The following COL24A1 variants were observed in gnomAD, a reference collection of about 807,000 sequenced individuals.
The protein encoded by COL24A1 is collagen type XXIV alpha 1 chain.
COL24A1 carries 224 observed loss-of-function variants against 253.9 expected under a neutral mutation model. That is an observed-to-expected ratio of 0.88 (90% confidence interval 0.79 to 0.99). The LOEUF is 0.99. Among genes scored for constraint, COL24A1 ranks in the 50% least tolerant of loss-of-function variants. The pLI, the probability that COL24A1 is intolerant of heterozygous loss-of-function variation, is 0.00. For synonymous variants in COL24A1, 685 were observed against 673.7 expected (o/e 1.02, Z -0.26); for missense variants, 2,131 against 2,068.5 (o/e 1.03, Z -0.59).
intron 43 of COL24A1, among the ~76,000 whole-genome samples, chr1:85,834,994 T>C (rs1183912349): frequency 6.6e-6 from 1 of 152,188 alleles, no homozygotes; most frequent in Non-Finnish European, 1.5e-5. Flanking sequence ...ATTCTCCATG[T>C]TTTTTATATA....
rs1327524092 is a variant in COL24A1 at position 85,818,098 on chromosome 1, A to G, written c.3790-11T>C. The G allele has an allele frequency of 3.7e-6, 6 of 1,611,266 alleles. No individual in the cohort carries two copies. The highest frequency in any genetic ancestry group is 5.1e-6 in the Non-Finnish European group (6 of 1,177,590). On this transcript the variant is annotated splice_polypyrimidine_tract_variant and intron_variant, in intron 45 of 59. Transcript: ENST00000370571. ...TTTCCCCTTATTACCCTAAAGATGG[A>G]AAGCACAGTTGTCAATTGACTGTAA...
In COL24A1 at chr1:85,987,798, G is replaced by A; in HGVS notation, c.2311-144C>T. ...AATTCAATATTGAAGATTAAGTTAG[G>A]CAGTTGTTTAACACTGGAATATAAA... On this transcript the variant is annotated intron_variant, in intron 19 of 59. Coordinates refer to ENST00000370571, the MANE Select transcript of COL24A1 (RefSeq NM_152890.7). 4.6e-6 allele frequency: 3 copies of A among 654,438 alleles called. No individual in the cohort carries two copies. The South Asian group carries it at 6.5e-5, about 14-fold the overall frequency. The allele number at this position is 654,438 out of a possible 1,614,324, so 40.5% of individuals were successfully genotyped here.
chr1:86,009,273 T>C (rs2101125990), intron 19 of COL24A1, among the ~76,000 whole-genome samples: 1 of 152,172 alleles, frequency 6.6e-6, no homozygotes, highest in South Asian at 2.1e-4. Context: ...ACCACTCAGA[T>C]GGAATAGAAA....
chr1:85,983,074 C>A (rs753223090), intron 20 of COL24A1, among the ~76,000 whole-genome samples: 3 of 151,978 alleles, frequency 2.0e-5, no homozygotes, highest in Non-Finnish European at 2.9e-5. Flanking sequence ...TATTACACAA[C>A]ATAATCCCAC....
intron 55 of COL24A1, among the ~76,000 whole-genome samples, chr1:85,761,023 G>T (rs564850945): frequency 3.7e-4 from 56 of 152,246 alleles, no homozygotes; most frequent in African/African-American, 1.3e-3. Context: ...AATCAAAGAA[G>T]TGGATAACCC....
intron 5 of COL24A1, among the ~76,000 whole-genome samples, chr1:86,095,859 T>A (rs1276943698): frequency 6.6e-6 from 1 of 152,042 alleles, no homozygotes; most frequent in Non-Finnish European, 1.5e-5. Context: ...TCTGCTAGAG[T>A]TTAAAATCAT....
chr1:85,917,105 T>C (rs1685966649), intron 24 of COL24A1, among the ~76,000 whole-genome samples: 1 of 152,204 alleles, frequency 6.6e-6, no homozygotes, highest in Non-Finnish European at 1.5e-5. Flanking sequence ...CTAAAATTAA[T>C]AGACCAGATC....
intron 24 of COL24A1, among the ~76,000 whole-genome samples, chr1:85,913,903 G>T (rs1462057461): frequency 6.6e-6 from 1 of 152,154 alleles, no homozygotes; most frequent in Non-Finnish European, 1.5e-5. Context: ...AATATTGTAG[G>T]CTGGGTGACT....
In COL24A1 at chr1:86,061,375, T is replaced by C. The variant is rs541525988; in HGVS notation, c.1753-2201A>G. Among the ~76,000 whole-genome samples the C allele has an allele frequency of 3.9e-5, 6 of 152,234 alleles. No individual in the cohort carries two copies. The East Asian group carries it at 5.8e-4, about 15-fold the overall frequency. ...CAAATGTAAAAGGCTGTTTTTATTC[T>C]GTAGGCCACTATCTATCTGGCTAAT... is the stretch of plus-strand genomic sequence containing the variant. On this transcript the variant is annotated intron_variant, in intron 8 of 59. Transcript: ENST00000370571.
At chr1:86,135,088 CT>C (rs1376073424) in intron 2 of COL24A1, among the ~76,000 whole-genome samples, 3 of 151,882 alleles carry the variant, frequency 2.0e-5, no homozygotes, top group African/African-American at 7.3e-5. Flanking sequence ...GAATTGATCC[CT>C]TTACCATTAC....
At chr1:86,044,369 T>C (rs1332488887) in intron 12 of COL24A1, among the ~76,000 whole-genome samples, 1 of 152,190 alleles carries the variant, frequency 6.6e-6, no homozygotes, top group African/African-American at 2.4e-5. Flanking sequence ...ATTCTAAGTA[T>C]TCACATTTTC....
intron 24 of COL24A1, chr1:85,960,917 A>AAG (rs1690987718): frequency 1.4e-5 from 2 of 143,926 alleles, no homozygotes; most frequent in African/African-American, 2.9e-5. Flanking sequence ...AAATAAATAA[A>AAG]TAAATAAATA....
chr1:85,991,492 G>A (rs1331990388), intron 19 of COL24A1, among the ~76,000 whole-genome samples: 3 of 152,204 alleles, frequency 2.0e-5, no homozygotes, highest in African/African-American at 4.8e-5. Flanking sequence ...GCTTCTGGTG[G>A]TAACTGTCAG....
intron 46 of COL24A1, among the ~76,000 whole-genome samples, chr1:85,817,767 C>T (rs982017374): frequency 2.6e-5 from 4 of 151,934 alleles, no homozygotes; most frequent in South Asian, 2.1e-4. Context: ...AGTGGTTCAC[C>T]GTCAGAAGCA....
chr1:85,814,957 T>C (rs754681889), intron 47 of COL24A1, among the ~76,000 whole-genome samples: 1 of 152,170 alleles, frequency 6.6e-6, no homozygotes, highest in Non-Finnish European at 1.5e-5. Flanking sequence ...CTGGTCCTAT[T>C]AATAAGTTAA....
intron 7 of COL24A1, 52 bp downstream of exon 7, chr1:86,089,122 A>C: frequency 7.0e-7 from 1 of 1,422,272 alleles, no homozygotes; most frequent in Middle Eastern, 2.2e-4. Context: ...AGAAAAAGAC[A>C]AAAAAAAGAA....
chr1:86,010,130 T>C (rs1696359141), intron 19 of COL24A1, among the ~76,000 whole-genome samples: 1 of 152,074 alleles, frequency 6.6e-6, no homozygotes, highest in South Asian at 2.1e-4. Context: ...GAAGAAAACA[T>C]AGGTGATTTC....
At chr1:86,087,721 A>G (rs573165795) in intron 7 of COL24A1, among the ~76,000 whole-genome samples, 2 of 152,356 alleles carry the variant, frequency 1.3e-5, no homozygotes, top group South Asian at 2.1e-4. Flanking sequence ...TGTCAGTACA[A>G]TCTCCTAAGA....
intron 32 of COL24A1, among the ~76,000 whole-genome samples, chr1:85,882,141 T>C (rs1012172077): frequency 6.6e-6 from 1 of 152,212 alleles, no homozygotes; most frequent in African/African-American, 2.4e-5. Context: ...CATTTTCTGT[T>C]ACTGTGGTGT....
Sources: allele counts gnomAD v4.1 joint callset (sites outside exome capture counted in the v4.1 genomes callset), GRCh38; gene constraint gnomAD v4.1.1; transcripts MANE v1.5; gene names NCBI Gene and HGNC (gene_info 2026-07-23, HGNC 2026-07-21).